The following DERL1 variants were observed in gnomAD, a reference collection of about 807,000 sequenced individuals.
DERL1 encodes derlin-1.
Under a neutral mutation model 41.6 loss-of-function variants are expected in DERL1, and 24 were observed. That is an observed-to-expected ratio of 0.58 (90% confidence interval 0.42 to 0.81). The LOEUF (loss-of-function observed/expected upper bound fraction) is 0.81, where lower values mean the gene tolerates loss of function less well. Ranked by LOEUF, DERL1 falls within the 30% of genes least tolerant of loss-of-function variation. The pLI, the probability that DERL1 is intolerant of heterozygous loss-of-function variation, is 0.00. For synonymous variants in DERL1, 124 were observed against 112.5 expected, an observed-to-expected ratio of 1.10 and a Z score of -0.65; for missense variants, 260 against 314.3, an observed-to-expected ratio of 0.83 and a Z score of 1.31.
rs1480145072 is a variant in DERL1, at chr8:123,019,436, T to C, written c.507-131A>G. 9 of 645,018 alleles carry C rather than the reference T, an allele frequency of 1.4e-5. No individual in the cohort carries two copies. The African/African-American group carries it at 1.7e-4, about 12-fold the overall frequency. The allele number at this position is 645,018 out of a possible 1,614,324, so 40.0% of individuals were successfully genotyped here. ...CCTGGGAGTCTGTGAGAGCTGACAA[T>C]GAGCACTTTTGTAGTCTGAGTGGCA... On this transcript the variant is annotated intron_variant, in intron 6 of 7. Transcript: ENST00000259512.
intron 2 of DERL1, chr8:123,025,587 C>T (rs1812665407): frequency 6.6e-6 from 1 of 152,576 alleles, no homozygotes; most frequent in Non-Finnish European, 1.5e-5. Flanking sequence ...TTATTAGAAA[C>T]ACACATACAC....
intron 1 of DERL1, among the ~76,000 whole-genome samples, chr8:123,039,685 C>T (rs1246154732): frequency 8.5e-5 from 13 of 152,304 alleles, no homozygotes; most frequent in Admixed American, 2.6e-4. Context: ...CCTTAAAACA[C>T]GTGCCTCTAT....
chr8:123,024,065 T>C (rs1192508597), intron 3 of DERL1, among the ~76,000 whole-genome samples: 2 of 152,218 alleles, frequency 1.3e-5, no homozygotes, highest in Non-Finnish European at 2.9e-5. Context: ...AACACAAAGG[T>C]ATCTAATCTT....
intron 1 of DERL1, among the ~76,000 whole-genome samples, chr8:123,040,279 C>A (rs915868611): frequency 1.3e-5 from 2 of 152,118 alleles, no homozygotes; most frequent in African/African-American, 4.8e-5. Flanking sequence ...GAGTGAAGGA[C>A]GGGCTATTTT....
intron 5 of DERL1, among the ~76,000 whole-genome samples, chr8:123,021,835 G>A (rs1047792353): frequency 1.3e-5 from 2 of 152,138 alleles, no homozygotes; most frequent in Non-Finnish European, 2.9e-5. Context: ...AGGCCCATGA[G>A]AGAATCACAC....
chr8:123,035,025 C>T (rs1186781988), intron 1 of DERL1, among the ~76,000 whole-genome samples: 1 of 152,210 alleles, frequency 6.6e-6, no homozygotes, highest in African/African-American at 2.4e-5. Context: ...GAAACACCCG[C>T]TAACCAGTTT....
intron 2 of DERL1, chr8:123,025,481 A>T (rs1342699280): frequency 1.3e-5 from 2 of 158,908 alleles, no homozygotes; most frequent in Non-Finnish European, 2.8e-5. Context: ...GTCCTCCTCC[A>T]CTAGACCGTT....
At position 123,015,279 on chromosome 8, in the gene DERL1, TG is replaced by T. The variant is rs762436682; in HGVS notation, c.*167del. On this transcript the variant is annotated 3_prime_UTR_variant, in exon 8 of 8. Transcript: ENST00000259512. ...ACTTGAATGAGAATCGTGAAACTTG[TG>T]GAACACTTATATTTTTCTTCGGGAT... 5.3e-6 allele frequency: 5 copies of T among 941,622 alleles called. No homozygotes were observed. The East Asian group carries it at 7.9e-5, about 15-fold the overall frequency. The allele number at this position is 941,622 out of a possible 1,614,324, so 58.3% of individuals were successfully genotyped here. A position where few individuals can be genotyped will look rare whatever the true frequency, so the allele number is the denominator to read the frequency against.
intron 1 of DERL1, among the ~76,000 whole-genome samples, chr8:123,033,728 A>G (rs1812865818): frequency 6.6e-6 from 1 of 152,194 alleles, no homozygotes; most frequent in Non-Finnish European, 1.5e-5. Context: ...GGGCAACAAG[A>G]GCGAAACTAT....
At chr8:123,019,003 G>A (rs544705909) in intron 7 of DERL1, 192 bp downstream of exon 7, 2 of 609,046 alleles carry the variant, frequency 3.3e-6, no homozygotes, top group African/African-American at 3.7e-5. Flanking sequence ...AAGAGTAACA[G>A]GAAGGCAACT....
intron 7 of DERL1, 51 bp downstream of exon 7, chr8:123,019,144 C>T: frequency 7.8e-7 from 1 of 1,287,604 alleles, no homozygotes; most frequent in Non-Finnish European, 1.1e-6. Context: ...TTAGGATGCA[C>T]TAAGAACACA....
chr8:123,018,948 G>T, intron 7 of DERL1: 1 of 479,618 alleles, frequency 2.1e-6, no homozygotes, highest in Non-Finnish European at 3.7e-6. Context: ...GAGCTGAGAT[G>T]CCTCCTGTAA....
chr8:123,021,476 G>T lies in DERL1; in HGVS notation c.477C>A (p.Ile159=), dbSNP rs768727243. The T allele has an allele frequency of 1.2e-6, 2 of 1,613,886 alleles. No homozygotes were observed. The highest frequency in any genetic ancestry group is 1.7e-6 in the Non-Finnish European group (2 of 1,179,838). Residue 159 remains isoleucine (I), a synonymous_variant, in exon 6 of 8, where the codon ATC becomes ATA. Coordinates refer to ENST00000259512, the MANE Select transcript of DERL1 (RefSeq NM_024295.6). ...RFKACYLPWV[I]LGFNYIIGGS... is the part of the protein sequence containing the mutation. ...CTCCGATGATATAGTTGAATCCAAG[G>T]ATAACCCAGGGTAAATAGCAGGCCT... is the stretch of plus-strand genomic sequence containing the variant.
rs1331225625 is a variant in DERL1 at position 123,023,752 on chromosome 8, A to G, written c.331-13T>C. The G allele has an allele frequency of 6.2e-7, 1 of 1,611,198 alleles. No homozygotes were observed. The highest frequency in any genetic ancestry group is 8.5e-7 in the Non-Finnish European group (1 of 1,178,728). On this transcript the variant is annotated splice_polypyrimidine_tract_variant and intron_variant, in intron 3 of 7. Coordinates refer to ENST00000259512, the MANE Select transcript of DERL1 (RefSeq NM_024295.6). The stretch of plus-strand genomic sequence containing the variant: ...CTAAGCCAGTAATCTTGGTTTGTAA[A>G]GTTAAAGATCAGACATAAAAAAGCA...
chr8:123,038,746 C>T (rs1350693667), intron 1 of DERL1, among the ~76,000 whole-genome samples: 1 of 152,208 alleles, frequency 6.6e-6, no homozygotes, highest in Non-Finnish European at 1.5e-5. Flanking sequence ...TCCCCATGAC[C>T]ACACATTACC....
chr8:123,015,867 GA>G (rs1406210075), intron 7 of DERL1: 1 of 266,522 alleles, frequency 3.8e-6, no homozygotes, highest in Non-Finnish European at 7.0e-6. Flanking sequence ...AATCCATGCA[GA>G]ACAGTATGGA....
chr8:123,015,414 G>T lies in DERL1; in HGVS notation c.*33C>A. 6.2e-7 allele frequency: 1 copy of T among 1,607,510 alleles called. No individual in the cohort carries two copies. The highest frequency in any genetic ancestry group is 8.5e-7 in the Non-Finnish European group (1 of 1,176,770). ...GCACCCAGCACTGGGAGGAAATGTG[G>T]CTTGAGAGGAGCGGCTGCCCGAGGC... On this transcript the variant is annotated 3_prime_UTR_variant, in exon 8 of 8. Transcript: ENST00000259512.
intron 6 of DERL1, among the ~76,000 whole-genome samples, chr8:123,020,835 G>A (rs1019003591): frequency 2.3e-4 from 35 of 150,590 alleles, no homozygotes; most frequent in South Asian, 4.2e-4. Flanking sequence ...GCATGGAGGC[G>A]GGCGCCTGTA....
Position 123,019,273 on chromosome 8 carries a change from C to A in DERL1, c.539G>T (p.Gly180Val). ...VINELIGNLV[G>V]HLYFFLMFRY... is the part of the protein sequence containing the mutation. ...GAACATTAGGAAAAAATAAAGATGT[C>A]CAACCAGATTTCCAATAAGCTCATT... The change falls in exon 7 of 8, where the codon GGA becomes GTA. Residue 180 changes from glycine (G) to valine (V), a missense_variant. Coordinates refer to ENST00000259512, the MANE Select transcript of DERL1 (RefSeq NM_024295.6). 6.2e-7 allele frequency: 1 copy of A among 1,614,008 alleles called. No individual in the cohort carries two copies. The highest frequency in any genetic ancestry group is 8.5e-7 in the Non-Finnish European group (1 of 1,179,930).
Sources: gnomAD v4.1 joint callset for allele counts (sites outside exome capture counted in the v4.1 genomes callset) on GRCh38, gnomAD v4.1.1 for gene constraint, MANE v1.5 for transcripts, NCBI Gene and HGNC (gene_info 2026-07-23, HGNC 2026-07-21) for gene names.